Variants in TANC2 observed in about 807,000 individuals in gnomAD.
TANC2 encodes the protein tetratricopeptide repeat, ankyrin repeat and coiled-coil containing 2.
A neutral mutation model predicts 210.5 loss-of-function variants in TANC2; 26 were observed. The ratio of observed to expected loss-of-function variants is 0.12; its 90% confidence interval spans 0.09 to 0.17. The LOEUF (loss-of-function observed/expected upper bound fraction) is 0.17, where lower values mean the gene tolerates loss of function less well. Ranked by LOEUF, TANC2 falls within the 10% of genes least tolerant of loss-of-function variation. TANC2 has a pLI of 1.00. For missense variants in TANC2, 2,129 were observed against 2,608.9 expected, an observed-to-expected ratio of 0.82 and a Z score of 4.01; for synonymous variants, 931 against 967.1, an observed-to-expected ratio of 0.96 and a Z score of 0.69.
chr17:63,167,394 C>A (rs551691299), intron 5 of TANC2, among the ~76,000 whole-genome samples: 37 of 152,208 alleles, frequency 2.4e-4, no homozygotes, highest in African/African-American at 8.2e-4. Context: ...GGGTTGGTGG[C>A]ATTTACATGA....
intron 7 of TANC2, among the ~76,000 whole-genome samples, chr17:63,219,767 C>T (rs1460847900): frequency 6.6e-6 from 1 of 151,920 alleles, no homozygotes; most frequent in Non-Finnish European, 1.5e-5. Context: ...TGTAACAAAC[C>T]TGCATGTTCT....
At chr17:63,417,836 G>A (rs956876434) in intron 26 of TANC2, among the ~76,000 whole-genome samples, 2 of 152,070 alleles carry the variant, frequency 1.3e-5, no homozygotes, top group African/African-American at 2.4e-5. Flanking sequence ...CTTTACAGAC[G>A]TCATCCTCCC....
intron 11 of TANC2, among the ~76,000 whole-genome samples, chr17:63,326,711 T>A (rs1355174358): frequency 6.6e-6 from 1 of 151,690 alleles, no homozygotes; most frequent in Non-Finnish European, 1.5e-5. Flanking sequence ...GCCTGGGTGA[T>A]AGAGTGAGAC....
At chr17:63,151,065 G>T (rs1252161056) in intron 4 of TANC2, 5 of 149,920 alleles carry the variant, frequency 3.3e-5, no homozygotes, top group Admixed American at 6.7e-5. Flanking sequence ...TCAAAAAATA[G>T]GGTAACCTGA....
At chr17:63,425,542 A>G (rs1470588919) in exon 28 of TANC2, 2 of 152,188 alleles carry the variant, frequency 1.3e-5, no homozygotes, top group Non-Finnish European at 2.9e-5. Flanking sequence ...GGCTATGTGG[A>G]TGTCACTTGT....
Position 63,420,891 on chromosome 17 carries a change from G to A in TANC2, c.5161G>A (p.Ala1721Thr). 1 of 1,614,008 alleles carries A rather than the reference G, an allele frequency of 6.2e-7. No homozygotes were observed. The highest frequency in any genetic ancestry group is 8.5e-7 in the Non-Finnish European group (1 of 1,179,890). The change falls in exon 28 of 28, where the codon GCC becomes ACC. Residue 1721 changes from alanine (A) to threonine (T), a missense_variant. Physicochemically the swap from Ala to Thr is moderately conservative, Grantham distance 58 (BLOSUM62 0). Around this residue, in one of 5 missense-constraint regions of TANC2, gnomAD observed 584 missense variants for 627.3 expected, o/e 0.93. Transcript: ENST00000689528. The surrounding 1 kb of genome is among the most constrained non-coding windows in gnomAD (Gnocchi z 4.2). ...CCCCACAGGAGCCTATGGCCAAGTAGCCCATTCAATGGCCAGTAAATACCA... is the reference window on the plus strand; with the variant it reads ...CCCCACAGGAGCCTATGGCCAAGTAACCCATTCAATGGCCAGTAAATACCA...
rs1335923082 is a variant in TANC2 at position 63,336,400 on chromosome 17, A to G, written c.1576-3701A>G. ...ATTCTGTCACTGATCCTTCATTTGA[A>G]GTAGAAAATGGTCTATGGAGAGTGA... On this transcript the variant is annotated intron_variant, in intron 11 of 27. Coordinates refer to ENST00000689528, the Ensembl canonical transcript of TANC2. 2.0e-5 allele frequency among the ~76,000 whole-genome samples: 3 copies of G among 152,242 alleles called. No individual in the cohort carries two copies. The South Asian group carries it at 6.2e-4, about 31-fold the overall frequency.
At chr17:63,284,932 CTG>C (rs1432060491) in intron 9 of TANC2, among the ~76,000 whole-genome samples, 2 of 151,920 alleles carry the variant, frequency 1.3e-5, no homozygotes, top group Non-Finnish European at 2.9e-5. Context: ...GTATTTAGGA[CTG>C]TTATGTATTC....
chr17:63,062,717 G>T (rs562580131), intron 2 of TANC2, among the ~76,000 whole-genome samples: 2 of 151,902 alleles, frequency 1.3e-5, no homozygotes, highest in South Asian at 2.1e-4. Flanking sequence ...TGTTTTGTTT[G>T]TTCTTAGCAA....
intron 8 of TANC2, 45 bp downstream of exon 8, chr17:63,238,122 C>A: frequency 1.3e-6 from 2 of 1,486,042 alleles, no homozygotes; most frequent in South Asian, 1.4e-5. Context: ...GTTAAATAAT[C>A]ATTTTACTCC....
intron 9 of TANC2, among the ~76,000 whole-genome samples, chr17:63,285,484 G>A (rs184438289): frequency 8.7e-4 from 132 of 152,246 alleles, no homozygotes; most frequent in African/African-American, 3.1e-3. Context: ...CATTACAATA[G>A]TTATGTCAGG....
chr17:63,005,859 G>A (rs1031982528), intron 1 of TANC2, among the ~76,000 whole-genome samples: 3 of 149,436 alleles, frequency 2.0e-5, no homozygotes, highest in Non-Finnish European at 4.5e-5. Flanking sequence ...TTAAAAGTTT[G>A]ATAGAATTCA....
At chr17:63,342,499 C>T (rs537585626) in intron 12 of TANC2, among the ~76,000 whole-genome samples, 3 of 152,226 alleles carry the variant, frequency 2.0e-5, no homozygotes, top group Admixed American at 1.3e-4. Flanking sequence ...CTACACCTTA[C>T]AGCCAATTCA....
At chr17:63,356,132 C>T (rs1269815548) in intron 14 of TANC2, among the ~76,000 whole-genome samples, 1 of 152,164 alleles carries the variant, frequency 6.6e-6, no homozygotes. Context: ...CCCCAGCACT[C>T]TTTCCCAATG....
chr17:63,086,635 T>C (rs10438757), intron 3 of TANC2, among the ~76,000 whole-genome samples: 4,991 of 152,324 alleles, frequency 0.033, 93 homozygotes, highest in Middle Eastern at 0.044. Flanking sequence ...CATAATTGTT[T>C]ACATTTATAG....
intron 2 of TANC2, among the ~76,000 whole-genome samples, chr17:63,036,845 GTT>G (rs542320358): frequency 1.1e-4 from 15 of 133,918 alleles, no homozygotes; most frequent in East Asian, 2.2e-4. Flanking sequence ...TTACATGTAA[GTT>G]TTTTTTTTTT....
intron 6 of TANC2, among the ~76,000 whole-genome samples, chr17:63,197,052 G>A (rs778476108): frequency 1.8e-4 from 27 of 152,120 alleles, no homozygotes; most frequent in Non-Finnish European, 2.5e-4. Context: ...GAATATGAAA[G>A]TACTTTGTAA....
At chr17:63,145,855 T>C (rs2039445469) in intron 4 of TANC2, among the ~76,000 whole-genome samples, 1 of 152,166 alleles carries the variant, frequency 6.6e-6, no homozygotes, top group Admixed American at 6.5e-5. Context: ...TATTATTTTT[T>C]TCAAGATTGT....
At chr17:62,985,262 G>T (rs1436258333) in intron 1 of TANC2, among the ~76,000 whole-genome samples, 1 of 152,000 alleles carries the variant, frequency 6.6e-6, no homozygotes, top group East Asian at 1.9e-4. Flanking sequence ...GACTAATGGG[G>T]ATTCCCTTAT....
Sources: allele counts gnomAD v4.1 joint callset (sites outside exome capture counted in the v4.1 genomes callset), GRCh38; gene constraint gnomAD v4.1.1; regional missense constraint gnomAD v4.1.1; non-coding constraint Gnocchi (gnomAD v3.1); transcripts MANE v1.5; gene names NCBI Gene and HGNC (gene_info 2026-07-23, HGNC 2026-07-21).